Variants in SEMA3A observed in about 807,000 individuals in gnomAD.
The protein encoded by SEMA3A is semaphorin-3A.
SEMA3A carries 29 observed loss-of-function variants against 97.9 expected under a neutral mutation model. The observed-to-expected ratio is 0.30, with a 90% CI of 0.22 to 0.40. The LOEUF (loss-of-function observed/expected upper bound fraction) is 0.40. Ranked by LOEUF, SEMA3A falls within the 10% of genes least tolerant of loss-of-function variation. The pLI, the probability that SEMA3A is intolerant of heterozygous loss-of-function variation, is 1.00. For synonymous variants in SEMA3A, 321 were observed against 323.7 expected, an observed-to-expected ratio of 0.99 and a Z score of 0.09; for missense variants, 763 against 951.3, an observed-to-expected ratio of 0.80 and a Z score of 2.60.
chr7:84,402,471 T>A (rs186132233), intron 1 of SEMA3A, among the ~76,000 whole-genome samples: 3 of 152,116 alleles, frequency 2.0e-5, no homozygotes, highest in Non-Finnish European at 2.9e-5. Flanking sequence ...AACTACCATA[T>A]AATTCATGAA....
chr7:84,371,640 T>A (rs1014580373), intron 2 of SEMA3A, among the ~76,000 whole-genome samples: 3 of 151,972 alleles, frequency 2.0e-5, no homozygotes, highest in African/African-American at 7.2e-5. Flanking sequence ...ATATTTGAAT[T>A]TGAAAAAATC....
At chr7:84,209,615 A>AAATTACTGG (rs1421598277) in intron 3 of SEMA3A, among the ~76,000 whole-genome samples, 2 of 152,208 alleles carry the variant, frequency 1.3e-5, no homozygotes, top group Non-Finnish European at 2.9e-5. Context: ...TGTATCACTT[A>AAATTACTGG]AATTACTGGC....
chr7:84,389,098 T>G (rs1407534353), intron 1 of SEMA3A, among the ~76,000 whole-genome samples: 1 of 151,964 alleles, frequency 6.6e-6, no homozygotes. Context: ...GTTGTAAAAA[T>G]TTGAAATACT....
At chr7:84,129,529 GA>G (rs1374348818) in intron 2 of SEMA3A, among the ~76,000 whole-genome samples, 1 of 152,134 alleles carries the variant, frequency 6.6e-6, no homozygotes, top group African/African-American at 2.4e-5. Flanking sequence ...AAGAGAAGTA[GA>G]AACTGGCATA....
rs139272988 is a variant in SEMA3A, at chr7:84,387,397, A to G, written c.-245-15497T>C. Among the ~76,000 whole-genome samples, 697 of 152,328 alleles carry G rather than the reference A, an allele frequency of 4.6e-3. 5 individuals are homozygous for G. The highest frequency in any genetic ancestry group is 0.016 in the African/African-American group (676 of 41,588). ...TGAAAATTGAAACACATGGTGTGAC[A>G]CCATTCTAAGAAAACTATTAAATTA... On this transcript the variant is annotated intron_variant, in intron 1 of 3. Transcript: ENST00000424555.
chr7:83,999,308 A>G (rs1019579667), intron 12 of SEMA3A, among the ~76,000 whole-genome samples: 3 of 152,162 alleles, frequency 2.0e-5, no homozygotes, highest in Non-Finnish European at 4.4e-5. Flanking sequence ...TTATTAATGT[A>G]CTAAACAACA....
chr7:84,300,368 G>A (rs1002289725), intron 3 of SEMA3A, among the ~76,000 whole-genome samples: 8 of 151,972 alleles, frequency 5.3e-5, no homozygotes, highest in Non-Finnish European at 8.8e-5. Context: ...TTAATCTGTA[G>A]TATAATGAAA....
rs2116241588 is a variant in SEMA3A, at chr7:83,960,540, A to G, written c.*831T>C. On this transcript the variant is annotated 3_prime_UTR_variant, in exon 17 of 17. Coordinates refer to ENST00000265362, the MANE Select transcript of SEMA3A (RefSeq NM_006080.3). ...TAGAGATTCACTCTTAATGATGTAT[A>G]TGTGTTTCTAGAACAATGTCATCTA... 6.6e-6 allele frequency: 1 copy of G among 152,620 alleles called. No homozygotes were observed. The highest frequency in any genetic ancestry group is 1.9e-4 in the East Asian group (1 of 5,186). The allele number at this position is 152,620 out of a possible 1,614,324, so 9.5% of individuals were successfully genotyped here.
At chr7:84,376,297 T>C (rs1017982137) in intron 1 of SEMA3A, among the ~76,000 whole-genome samples, 8 of 152,162 alleles carry the variant, frequency 5.3e-5, no homozygotes, top group South Asian at 2.1e-4. Flanking sequence ...ATTTACATTC[T>C]ATCAACAGTG....
intron 4 of SEMA3A, among the ~76,000 whole-genome samples, chr7:84,067,201 G>T (rs911520089): frequency 6.6e-6 from 1 of 152,066 alleles, no homozygotes; most frequent in Non-Finnish European, 1.5e-5. Flanking sequence ...AATGGTGCTG[G>T]GAAAACTGGC....
intron 1 of SEMA3A, among the ~76,000 whole-genome samples, chr7:84,451,011 G>C (rs114702991): frequency 0.027 from 4,056 of 152,168 alleles, 170 homozygotes; most frequent in African/African-American, 0.091. Flanking sequence ...TTTTTAATTT[G>C]ATGTAATTCC....
At chr7:84,079,181 G>A (rs111666997) in intron 4 of SEMA3A, among the ~76,000 whole-genome samples, 19,189 of 151,914 alleles carry the variant, frequency 0.13, 1,281 homozygotes, top group South Asian at 0.15. Flanking sequence ...GTGAAAAATT[G>A]TACTGTAGGC....
At chr7:84,065,597 G>T (rs1316176278) in intron 4 of SEMA3A, among the ~76,000 whole-genome samples, 1 of 150,064 alleles carries the variant, frequency 6.7e-6, no homozygotes, top group Non-Finnish European at 1.5e-5. Context: ...TATCACCACT[G>T]ATCCCACAGA....
At chr7:84,291,699 C>T (rs1800751619) in intron 3 of SEMA3A, among the ~76,000 whole-genome samples, 1 of 152,072 alleles carries the variant, frequency 6.6e-6, no homozygotes, top group Non-Finnish European at 1.5e-5. Context: ...GATTTTCTCC[C>T]CGTAAGTTGT....
intron 1 of SEMA3A, among the ~76,000 whole-genome samples, chr7:84,398,643 A>T (rs553667357): frequency 2.7e-5 from 4 of 150,430 alleles, no homozygotes; most frequent in Non-Finnish European, 5.9e-5. Context: ...TCTCTATATA[A>T]TTTTTTTTGT....
intron 4 of SEMA3A, among the ~76,000 whole-genome samples, chr7:84,065,808 C>A (rs1306425008): frequency 6.6e-6 from 1 of 151,828 alleles, no homozygotes; most frequent in Non-Finnish European, 1.5e-5. Flanking sequence ...AGTCCAGGAC[C>A]AGATGGATTC....
intron 1 of SEMA3A, among the ~76,000 whole-genome samples, chr7:84,453,144 C>G (rs1002024709): frequency 4.6e-5 from 7 of 151,714 alleles, no homozygotes; most frequent in African/African-American, 1.5e-4. Context: ...TTATACATAT[C>G]GAATACCTAC....
At chr7:84,055,019 G>T (rs1256373285) in intron 5 of SEMA3A, among the ~76,000 whole-genome samples, 2 of 152,078 alleles carry the variant, frequency 1.3e-5, no homozygotes, top group Non-Finnish European at 1.5e-5. Context: ...GCTGCTCAGG[G>T]GTCAGGGGTC....
intron 1 of SEMA3A, among the ~76,000 whole-genome samples, chr7:84,445,261 G>A (rs187631517): frequency 7.8e-4 from 118 of 151,872 alleles, no homozygotes; most frequent in South Asian, 7.5e-3. Flanking sequence ...GGAGGCTGAG[G>A]CGGGCGGATC....
Sources: allele counts gnomAD v4.1 joint callset (sites outside exome capture counted in the v4.1 genomes callset), GRCh38; gene constraint gnomAD v4.1.1; transcripts MANE v1.5; gene names NCBI Gene and HGNC (gene_info 2026-07-23, HGNC 2026-07-21).